SRF: variants seen among roughly 807,000 people sequenced by gnomAD.
The protein encoded by SRF is serum response factor, also known as c-fos serum response element-binding transcription factor.
In SRF, 7 loss-of-function variants were observed where a neutral mutation model predicts 37.1. The ratio of observed to expected loss-of-function variants is 0.19; its 90% CI spans 0.11 to 0.35. The LOEUF is 0.35. SRF is among the 10% of genes least tolerant of loss of function. The probability of loss-of-function intolerance (pLI) is 1.00; values close to 1 mark genes in which losing one functional copy is unlikely to be tolerated. For missense variants in SRF, 395 were observed against 694.4 expected, an observed-to-expected ratio of 0.57 and a Z score of 4.85; for synonymous variants, 285 against 310.1, an observed-to-expected ratio of 0.92 and a Z score of 0.85.
chr6:43,176,655 T>A lies in SRF; in HGVS notation c.1150T>A (p.Ser384Thr). 1 of 1,613,984 alleles carries A rather than the reference T, an allele frequency of 6.2e-7. No homozygotes were observed. The highest frequency in any genetic ancestry group is 8.5e-7 in the Non-Finnish European group (1 of 1,179,954). Residue 384 changes from serine to threonine, a missense_variant, in exon 4 of 7, where the codon TCC (serine) becomes ACC (threonine). Ser to Thr is a moderately conservative substitution (Grantham distance 58, BLOSUM62 1). Coordinates refer to ENST00000265354, the MANE Select transcript of SRF (RefSeq NM_003131.4). The surrounding 1 kb of genome is among the most constrained non-coding windows in gnomAD (Gnocchi z 4.0). ...CAGCACAGACCTCACGCAGACCTCC[T>A]CCAGCGGGACAGGTATAGCTCGCAG... Reference protein sequence around the residue: ...DSSTDLTQTSSSGTVTLPATI... With the variant: ...DSSTDLTQTSTSGTVTLPATI...
At position 43,172,363 on chromosome 6, in the gene SRF, A is replaced by T. The variant is rs1379350529; in HGVS notation, c.513+194A>T. On this transcript the variant is annotated intron_variant, in intron 1 of 6. Transcript: ENST00000265354. This position sits in a 1 kb window ranked among gnomAD's most constrained non-coding sequence, Gnocchi z 5.7. ...CCGGGGAAATGTGGGGAGAGGGGAGATCCCGCGAACGCTCGCAACCGTGGG... is the reference window on the plus strand; with the variant it reads ...CCGGGGAAATGTGGGGAGAGGGGAGTTCCCGCGAACGCTCGCAACCGTGGG... 5 of 984,654 alleles carry T rather than the reference A, an allele frequency of 5.1e-6. No homozygotes were observed. In the African/African-American group the frequency reaches 8.8e-5, roughly 17 times the overall value. 61.0% of individuals were successfully genotyped at this position (984,654 alleles called of 1,614,324 possible). A position where few individuals can be genotyped will look rare whatever the true frequency, so the allele number is the denominator to read the frequency against.
chr6:43,177,062 C>T (rs1772211542), intron 4 of SRF, among the ~76,000 whole-genome samples: 2 of 152,214 alleles, frequency 1.3e-5, no homozygotes, highest in Non-Finnish European at 1.5e-5. Flanking sequence ...CTAGACATTT[C>T]AGAAATGATG....
rs1283854517 is a variant in SRF at position 43,172,880 on chromosome 6, TG to T, written c.513+716del. On this transcript the variant is annotated intron_variant, in intron 1 of 6. Coordinates refer to ENST00000265354, the MANE Select transcript of SRF (RefSeq NM_003131.4). The surrounding 1 kb of genome is among the most constrained non-coding windows in gnomAD (Gnocchi z 5.7). ...GGAGAATCTATGCTTGGATGGGGTT[TG>T]GGGGAAGTCAGGGAGGCTTGCAGAG... 6.6e-6 allele frequency among the ~76,000 whole-genome samples: 1 copy of T among 152,008 alleles called. No homozygotes were observed. Among genetic ancestry groups the T allele is most frequent in the Non-Finnish European group, 1.5e-5 (1 of 67,982 alleles).
In SRF at chr6:43,173,745, G is replaced by A; in HGVS notation, c.514-102G>A. On this transcript the variant is annotated intron_variant, in intron 1 of 6. Coordinates refer to ENST00000265354, the MANE Select transcript of SRF (RefSeq NM_003131.4). This position sits in a 1 kb window ranked among gnomAD's most constrained non-coding sequence, Gnocchi z 4.2. ...TCATTAGAGACGAAGGTCATTATGG[G>A]AATGGGGGAATGACATCACTGTATA... The A allele has an allele frequency of 1.4e-6, 2 of 1,448,694 alleles. No individual in the cohort carries two copies. Among genetic ancestry groups the A allele is most frequent in the South Asian group, 1.3e-5 (1 of 74,108 alleles). 89.7% of individuals were successfully genotyped at this position (1,448,694 alleles called of 1,614,324 possible).
chr6:43,179,461 C>T lies in SRF; in HGVS notation c.*271C>T. The T allele has an allele frequency of 2.0e-6, 1 of 512,084 alleles. No individual in the cohort carries two copies. 31.7% of individuals were successfully genotyped at this position (512,084 alleles called of 1,614,324 possible). On this transcript the variant is annotated 3_prime_UTR_variant, in exon 7 of 7. Coordinates refer to ENST00000265354, the MANE Select transcript of SRF (RefSeq NM_003131.4). The surrounding 1 kb of genome is among the most constrained non-coding windows in gnomAD (Gnocchi z 5.3). Reference sequence around the variant, plus strand: ...CTCCTTCCTGGGACCCCCTCGCCAGCTTGGCTCGATGTTTGCCATGAGTAT... The same window carrying T: ...CTCCTTCCTGGGACCCCCTCGCCAGTTTGGCTCGATGTTTGCCATGAGTAT...
At position 43,179,041 on chromosome 6, in the gene SRF, G is replaced by C; in HGVS notation, c.1432-54G>C. The C allele has an allele frequency of 1.6e-5, 25 of 1,603,124 alleles. No individual in the cohort carries two copies. Among genetic ancestry groups the C allele is most frequent in the Non-Finnish European group, 2.1e-5 (25 of 1,170,588 alleles). On this transcript the variant is annotated intron_variant, in intron 6 of 6. Coordinates refer to ENST00000265354, the MANE Select transcript of SRF (RefSeq NM_003131.4). The surrounding 1 kb of genome is among the most constrained non-coding windows in gnomAD (Gnocchi z 5.3). ...GTTGGCAGGCAGGGAAGCCAGGGGAGCCTGAACTGGCTGGCCAGTCCCTGC... is the reference window on the plus strand; with the variant it reads ...GTTGGCAGGCAGGGAAGCCAGGGGACCCTGAACTGGCTGGCCAGTCCCTGC...
chr6:43,177,758 T>A (rs1165977404), intron 4 of SRF, among the ~76,000 whole-genome samples: 5 of 150,586 alleles, frequency 3.3e-5, no homozygotes, highest in Admixed American at 1.3e-4. Flanking sequence ...TACTAAAAAT[T>A]CAAAAAATTA....
intron 4 of SRF, among the ~76,000 whole-genome samples, chr6:43,177,228 G>GTTTTTTTTTTGTTTTTTTTT (rs1772215070): frequency 1.7e-5 from 2 of 116,848 alleles, no homozygotes; most frequent in African/African-American, 7.6e-5. Context: ...ATCGGAGTCT[G>GTTTTTTTTTTGTTTTTTTTT]TTTTTTTTTT....
intron 4 of SRF, among the ~76,000 whole-genome samples, chr6:43,177,172 G>A (rs1270725611): frequency 6.6e-6 from 1 of 151,384 alleles, no homozygotes; most frequent in Non-Finnish European, 1.5e-5. Flanking sequence ...TTACCTGGGA[G>A]CTTGTTGGAA....
Position 43,171,672 on chromosome 6 carries a change from G to C in SRF, c.16G>C (p.Ala6Pro). The change falls in exon 1 of 7, where the codon GCT becomes CCT. Residue 6 changes from alanine (A) to proline (P), a missense_variant. Coordinates refer to ENST00000265354, the MANE Select transcript of SRF (RefSeq NM_003131.4). The surrounding 1 kb of genome is among the most constrained non-coding windows in gnomAD (Gnocchi z 6.5). ...ATCGAGCGCCATGTTACCGACCCAAGCTGGGGCCGCGGCGGCTCTGGGCCG... is the reference window on the plus strand; with the variant it reads ...ATCGAGCGCCATGTTACCGACCCAACCTGGGGCCGCGGCGGCTCTGGGCCG... MLPTQ[A>P]GAAAALGRGS... The C allele has an allele frequency of 1.6e-6, 2 of 1,215,188 alleles. No homozygotes were observed. The highest frequency in any genetic ancestry group is 2.1e-6 in the Non-Finnish European group (2 of 975,318). The allele number at this position is 1,215,188 out of a possible 1,614,324, so 75.3% of individuals were successfully genotyped here.
intron 4 of SRF, among the ~76,000 whole-genome samples, chr6:43,177,711 T>C (rs1204001591): frequency 1.3e-5 from 2 of 150,840 alleles, no homozygotes; most frequent in Non-Finnish European, 3.0e-5. Context: ...GTCAGGAGAT[T>C]GAGATCATCC....
chr6:43,179,036 G>C lies in SRF; in HGVS notation c.1432-59G>C. On this transcript the variant is annotated intron_variant, in intron 6 of 6. Coordinates refer to ENST00000265354, the MANE Select transcript of SRF (RefSeq NM_003131.4). The surrounding 1 kb of genome is among the most constrained non-coding windows in gnomAD (Gnocchi z 5.3). Reference sequence around the variant, plus strand: ...CTGTGGTTGGCAGGCAGGGAAGCCAGGGGAGCCTGAACTGGCTGGCCAGTC... The same window carrying C: ...CTGTGGTTGGCAGGCAGGGAAGCCACGGGAGCCTGAACTGGCTGGCCAGTC... The C allele has an allele frequency of 6.2e-7, 1 of 1,600,310 alleles. No individual in the cohort carries two copies. The highest frequency in any genetic ancestry group is 8.6e-7 in the Non-Finnish European group (1 of 1,168,100).
Position 43,178,910 on chromosome 6 carries a change from C to G in SRF, c.1431+28C>G, listed in dbSNP as rs373306943. On this transcript the variant is annotated intron_variant, in intron 6 of 6. Coordinates refer to ENST00000265354, the MANE Select transcript of SRF (RefSeq NM_003131.4). The surrounding 1 kb of genome is among the most constrained non-coding windows in gnomAD (Gnocchi z 4.3). Reference sequence around the variant, plus strand: ...AGGTAGGGATATCTTTCACCCCATCCCAGATAGCCACTTCTTTGTCTTGAC... The same window carrying G: ...AGGTAGGGATATCTTTCACCCCATCGCAGATAGCCACTTCTTTGTCTTGAC... The G allele has an allele frequency of 4.8e-4, 780 of 1,609,530 alleles. 11 individuals carry two copies. In the South Asian group the frequency reaches 8.1e-3, roughly 17 times the overall value.
chr6:43,174,268 T>C (rs917781836), intron 2 of SRF, among the ~76,000 whole-genome samples, 155 bp downstream of exon 2: 6 of 152,110 alleles, frequency 3.9e-5, no homozygotes, highest in African/African-American at 1.4e-4. Context: ...ACTTTCCTGA[T>C]AGAAGACCGC....
rs1335733042 is a variant in SRF at position 43,181,485 on chromosome 6, A to G, written c.*2295A>G. On this transcript the variant is annotated 3_prime_UTR_variant, in exon 7 of 7. Coordinates refer to ENST00000265354, the MANE Select transcript of SRF (RefSeq NM_003131.4). ...TTAAAAAAAAATACTCTTTCAATAA[A>G]TGTATCATTTTTGTGCACAGACTGT... is the stretch of plus-strand genomic sequence containing the variant. 1 of 152,434 alleles carries G rather than the reference A, an allele frequency of 6.6e-6. No individual in the cohort carries two copies. The highest frequency in any genetic ancestry group is 2.4e-5 in the African/African-American group (1 of 41,368). 9.4% of individuals were successfully genotyped at this position (152,434 alleles called of 1,614,324 possible). A position where few individuals can be genotyped will look rare whatever the true frequency, so the allele number is the denominator to read the frequency against.
chr6:43,174,259 C>A, intron 2 of SRF, 146 bp downstream of exon 2: 1 of 1,125,100 alleles, frequency 8.9e-7, no homozygotes, highest in Non-Finnish European at 1.2e-6. Context: ...TCCATCCTCA[C>A]TTTCCTGATA....
In SRF at chr6:43,175,933, T is replaced by C. The variant is rs1313361038; in HGVS notation, c.1008T>C (p.Leu336=). 3.1e-6 allele frequency: 5 copies of C among 1,613,868 alleles called. No homozygotes were observed. Among genetic ancestry groups the C allele is most frequent in the Non-Finnish European group, 4.2e-6 (5 of 1,179,924 alleles). Residue 336 remains leucine (L), a synonymous_variant, in exon 3 of 7, where the codon CTT becomes CTC. Coordinates refer to ENST00000265354, the MANE Select transcript of SRF (RefSeq NM_003131.4). ...TGSGPVSSGG[L]MQLPTSFTLM... ...GCGGCCCTGTCTCCTCTGGGGGCCT[T>C]ATGCAGCTGCCTACCAGCTTCACCC...
rs114591244 is a variant in SRF, at chr6:43,177,049, T to G, written c.1162+382T>G. Among the ~76,000 whole-genome samples the G allele has an allele frequency of 2.6e-3, 402 of 152,298 alleles. 3 individuals carry two copies. Among genetic ancestry groups the G allele is most frequent in the African/African-American group, 9.2e-3 (382 of 41,552 alleles). Reference sequence around the variant, plus strand: ...GAGTAGCCACAGTTACCCTCAGGTATCTCTAGACATTTCAGAAATGATGAG... The same window carrying G: ...GAGTAGCCACAGTTACCCTCAGGTAGCTCTAGACATTTCAGAAATGATGAG... On this transcript the variant is annotated intron_variant, in intron 4 of 6. Transcript: ENST00000265354.
chr6:43,178,259 C>A lies in SRF; in HGVS notation c.1163-35C>A. ...ACGGAATGGGAGTTATCAGTGGGGA[C>A]CAGTGCCGAGCTGACACATGTCTGT... On this transcript the variant is annotated intron_variant, in intron 4 of 6. Coordinates refer to ENST00000265354, the MANE Select transcript of SRF (RefSeq NM_003131.4). This position sits in a 1 kb window ranked among gnomAD's most constrained non-coding sequence, Gnocchi z 4.3. 6.4e-7 allele frequency: 1 copy of A among 1,562,296 alleles called. No homozygotes were observed. The highest frequency in any genetic ancestry group is 1.7e-5 in the Admixed American group (1 of 57,810).
Sources: allele counts gnomAD v4.1 joint callset (sites outside exome capture counted in the v4.1 genomes callset), GRCh38; gene constraint gnomAD v4.1.1; non-coding constraint Gnocchi (gnomAD v3.1); transcripts MANE v1.5; gene names NCBI Gene and HGNC (gene_info 2026-07-23, HGNC 2026-07-21).